DRC11: variants seen among roughly 807,000 people sequenced by gnomAD.
DRC11 encodes the protein dynein regulatory complex subunit 11, also known as IQ and AAA domain-containing protein 1.
the DRC11 span, chr2:236,344,602 G>T: frequency 6.2e-7 from 1 of 1,613,778 alleles, no homozygotes; most frequent in Non-Finnish European, 8.5e-7. Context: ...TTTTTTCTGT[G>T]TCTTCAATCC....
the DRC11 span, among the ~76,000 whole-genome samples, chr2:236,337,334 C>T: frequency 1.2e-4 from 18 of 152,272 alleles, no homozygotes; most frequent in Middle Eastern, 3.4e-3. The surrounding 1 kb of genome is among the most constrained non-coding windows in gnomAD (Gnocchi z 4.9). Flanking sequence ...CTTCCCCTGC[C>T]GTTCACCACC....
chr2:236,405,639 A>C, the DRC11 span, among the ~76,000 whole-genome samples: 1 of 152,116 alleles, frequency 6.6e-6, no homozygotes, highest in Non-Finnish European at 1.5e-5. This position sits in a 1 kb window ranked among gnomAD's most constrained non-coding sequence, Gnocchi z 4.6. Context: ...AGCAGTTGTT[A>C]AGTGAAAATA....
chr2:236,430,372 T>C, the DRC11 span, among the ~76,000 whole-genome samples: 3 of 152,206 alleles, frequency 2.0e-5, no homozygotes, highest in Non-Finnish European at 4.4e-5. This position sits in a 1 kb window ranked among gnomAD's most constrained non-coding sequence, Gnocchi z 6.0. Context: ...TGCACAGAGA[T>C]GTACACAGGT....
chr2:236,372,179 T>C, the DRC11 span, among the ~76,000 whole-genome samples: 1 of 152,192 alleles, frequency 6.6e-6, no homozygotes, highest in Non-Finnish European at 1.5e-5. This position sits in a 1 kb window ranked among gnomAD's most constrained non-coding sequence, Gnocchi z 4.5. Flanking sequence ...AGCTCTAGTA[T>C]ACTGACTTCA....
At chr2:236,485,560 C>T in the DRC11 span, among the ~76,000 whole-genome samples, 1 of 152,196 alleles carries the variant, frequency 6.6e-6, no homozygotes, top group Non-Finnish European at 1.5e-5. Flanking sequence ...TTAATGAAAA[C>T]TGAGCAGGTC....
At chr2:236,454,362 T>C in the DRC11 span, among the ~76,000 whole-genome samples, 1 of 152,196 alleles carries the variant, frequency 6.6e-6, no homozygotes, top group African/African-American at 2.4e-5. The surrounding 1 kb of genome is among the most constrained non-coding windows in gnomAD (Gnocchi z 5.3). Context: ...CAGTGAATAA[T>C]GCCTGGACCT....
the DRC11 span, among the ~76,000 whole-genome samples, chr2:236,399,115 G>C: frequency 6.6e-6 from 1 of 151,892 alleles, no homozygotes; most frequent in Non-Finnish European, 1.5e-5. This position sits in a 1 kb window ranked among gnomAD's most constrained non-coding sequence, Gnocchi z 7.0. Context: ...TCAGCCTCCC[G>C]AGTAGCTGGG....
At chr2:236,452,675 T>G in the DRC11 span, among the ~76,000 whole-genome samples, 3 of 152,234 alleles carry the variant, frequency 2.0e-5, no homozygotes, top group Non-Finnish European at 4.4e-5. The surrounding 1 kb of genome is among the most constrained non-coding windows in gnomAD (Gnocchi z 4.7). Context: ...CAAGGCAACC[T>G]CTTAGCGGCA....
chr2:236,389,306 C>T, the DRC11 span, among the ~76,000 whole-genome samples: 66 of 152,280 alleles, frequency 4.3e-4, 1 homozygote, highest in South Asian at 2.3e-3. Flanking sequence ...GTGCTAGCAA[C>T]CAGCGAGACT....
At chr2:236,358,967 C>T in the DRC11 span, among the ~76,000 whole-genome samples, 1 of 151,072 alleles carries the variant, frequency 6.6e-6, no homozygotes, top group Non-Finnish European at 1.5e-5. Flanking sequence ...GGGAATATCC[C>T]AGTGTGAGAA....
chr2:236,452,903 C>T, the DRC11 span, among the ~76,000 whole-genome samples: 39 of 152,274 alleles, frequency 2.6e-4, no homozygotes, highest in African/African-American at 8.2e-4. This position sits in a 1 kb window ranked among gnomAD's most constrained non-coding sequence, Gnocchi z 4.7. Context: ...TTGGCTATTT[C>T]GGTTCTGGTT....
the DRC11 span, among the ~76,000 whole-genome samples, chr2:236,422,895 C>G: frequency 1.4e-4 from 22 of 151,900 alleles, no homozygotes; most frequent in Non-Finnish European, 3.1e-4. Flanking sequence ...AGAAATAATG[C>G]CGCATATCTA....
At chr2:236,349,002 C>A in the DRC11 span, among the ~76,000 whole-genome samples, 1 of 152,138 alleles carries the variant, frequency 6.6e-6, no homozygotes, top group South Asian at 2.1e-4. The surrounding 1 kb of genome is among the most constrained non-coding windows in gnomAD (Gnocchi z 5.5). Context: ...ACCTTCCCTC[C>A]CTCCATCCTG....
the DRC11 span, chr2:236,408,752 A>G: frequency 1.5e-6 from 1 of 681,996 alleles, no homozygotes; most frequent in Non-Finnish European, 2.7e-6. This position sits in a 1 kb window ranked among gnomAD's most constrained non-coding sequence, Gnocchi z 5.5. Context: ...TGATGTACTG[A>G]GCGAAGATGG....
the DRC11 span, among the ~76,000 whole-genome samples, chr2:236,312,777 T>C: frequency 6.6e-6 from 1 of 151,946 alleles, no homozygotes; most frequent in South Asian, 2.1e-4. Flanking sequence ...ATTTTTATTT[T>C]TAAAGGAAAG....
At chr2:236,433,857 G>C in the DRC11 span, among the ~76,000 whole-genome samples, 2 of 152,262 alleles carry the variant, frequency 1.3e-5, no homozygotes, top group African/African-American at 2.4e-5. Flanking sequence ...AATGTTTCTA[G>C]TGAATTTCTT....
chr2:236,503,766 G>T, the DRC11 span: 9 of 1,417,030 alleles, frequency 6.4e-6, no homozygotes, highest in South Asian at 8.6e-5. This position sits in a 1 kb window ranked among gnomAD's most constrained non-coding sequence, Gnocchi z 4.9. Context: ...ACACTGGACC[G>T]CCAGGGACCT....
At chr2:236,416,755 ATATATAT>A in the DRC11 span, among the ~76,000 whole-genome samples, 1 of 81,982 alleles carries the variant, frequency 1.2e-5, no homozygotes, top group African/African-American at 4.8e-5. Flanking sequence ...ATATATATAT[ATATATAT>A]ATATATAAAT....
the DRC11 span, among the ~76,000 whole-genome samples, chr2:236,436,027 T>C: frequency 0.012 from 1,866 of 152,300 alleles, 36 homozygotes; most frequent in African/African-American, 0.043. Context: ...CCAGTAGCAA[T>C]GTATGAGAGT....
Sources: allele counts gnomAD v4.1 joint callset (sites outside exome capture counted in the v4.1 genomes callset), GRCh38; gene constraint gnomAD v4.1.1; non-coding constraint Gnocchi (gnomAD v3.1); transcripts MANE v1.5; gene names NCBI Gene and HGNC (gene_info 2026-07-23, HGNC 2026-07-21).